The following ZNF83 variants were observed in gnomAD, a reference collection of about 807,000 sequenced individuals.
The protein encoded by ZNF83 is zinc finger protein 816B.
For missense variants in ZNF83, 552 were observed against 629.9 expected, an observed-to-expected ratio of 0.88 and a Z score of 1.32; for synonymous variants, 209 against 213.0, an observed-to-expected ratio of 0.98 and a Z score of 0.17.
intron 1 of ZNF83, among the ~76,000 whole-genome samples, chr19:52,681,720 A>T (rs2061924641): frequency 6.6e-6 from 1 of 152,258 alleles, no homozygotes; most frequent in African/African-American, 2.4e-5. Context: ...ATACAGCTTC[A>T]AAACTAAACT....
chr19:52,658,987 C>G (rs1446386884), intron 2 of ZNF83, among the ~76,000 whole-genome samples: 1 of 152,100 alleles, frequency 6.6e-6, no homozygotes, highest in East Asian at 1.9e-4. Flanking sequence ...AGGGCCGGCT[C>G]TTGGTGTGCA....
intron 2 of ZNF83, among the ~76,000 whole-genome samples, chr19:52,659,567 T>C (rs1394129438): frequency 6.8e-6 from 1 of 148,114 alleles, no homozygotes; most frequent in Non-Finnish European, 1.5e-5. Flanking sequence ...CCACAGCTAA[T>C]GCTCTCTTGT....
At chr19:52,613,308 A>ATGAT (rs755980653) in exon 3 of ZNF83, 175 of 1,613,998 alleles carry the variant, frequency 1.1e-4, no homozygotes, top group Non-Finnish European at 1.4e-4. Context: ...GAATTCTCCA[A>ATGAT]TGATATGCAA....
chr19:52,669,516 A>T (rs191895070), intron 1 of ZNF83, among the ~76,000 whole-genome samples: 1 of 152,342 alleles, frequency 6.6e-6, no homozygotes, highest in East Asian at 1.9e-4. Context: ...CTTTGACATG[A>T]TATTAGCATA....
At chr19:52,633,273 C>G (rs1355136274) in intron 2 of ZNF83, among the ~76,000 whole-genome samples, 2 of 152,064 alleles carry the variant, frequency 1.3e-5, no homozygotes, top group Admixed American at 6.5e-5. Context: ...ATAAAACGGC[C>G]CCACCCCATC....
chr19:52,649,330 A>C (rs191691223), intron 3 of ZNF83, among the ~76,000 whole-genome samples: 374 of 152,306 alleles, frequency 2.5e-3, no homozygotes, highest in Non-Finnish European at 4.1e-3. Flanking sequence ...GTTTTATAAA[A>C]TGATACAAAA....
chr19:52,669,199 T>A (rs1387836859), intron 1 of ZNF83, among the ~76,000 whole-genome samples: 1 of 152,176 alleles, frequency 6.6e-6, no homozygotes, highest in South Asian at 2.1e-4. Context: ...TGGCATTTCA[T>A]CAACCAGAGA....
At chr19:52,643,156 G>A (rs1340138199), upstream of ZNF83, among the ~76,000 whole-genome samples, 2 of 135,734 alleles carry the variant, frequency 1.5e-5, no homozygotes, top group Admixed American at 8.0e-5. Flanking sequence ...CCAGCTGGGC[G>A]ACAGAGTGAG....
chr19:52,659,631 T>C (rs1600239601), intron 2 of ZNF83, among the ~76,000 whole-genome samples: 1 of 97,262 alleles, frequency 1.0e-5, no homozygotes, highest in Non-Finnish European at 2.3e-5. Flanking sequence ...AAAAAAAGAG[T>C]ACCAGAAGTC....
At chr19:52,655,785 C>G in intron 2 of ZNF83, 1 of 614,784 alleles carries the variant, frequency 1.6e-6, no homozygotes, top group Non-Finnish European at 2.9e-6. Flanking sequence ...TGATCCAAGA[C>G]GGTGTTCTGA....
intron 3 of ZNF83, among the ~76,000 whole-genome samples, chr19:52,646,972 A>G (rs1468301158): frequency 6.6e-6 from 1 of 152,180 alleles, no homozygotes; most frequent in South Asian, 2.1e-4. Flanking sequence ...GCTTGCCTAT[A>G]TAAGCCCAGC....
chr19:52,680,488 G>A (rs1263966381), intron 1 of ZNF83, among the ~76,000 whole-genome samples: 1 of 151,862 alleles, frequency 6.6e-6, no homozygotes, highest in African/African-American at 2.4e-5. Context: ...CCCACAAAAT[G>A]AGAAAAGAGA....
chr19:52,639,415 A>ATTTTTTT (rs1160711365), upstream of ZNF83, among the ~76,000 whole-genome samples: 2,770 of 85,204 alleles, frequency 0.033, 79 homozygotes, highest in East Asian at 0.094. Flanking sequence ...AGTTTTTTCT[A>ATTTTTTT]TTTTTTTTTT....
At chr19:52,638,358 G>A (rs1228446121), upstream of ZNF83, 1 of 144,610 alleles carries the variant, frequency 6.9e-6, no homozygotes, top group Non-Finnish European at 1.5e-5. Context: ...CCGGGTTTGC[G>A]CGCATGTGCG....
intron 2 of ZNF83, among the ~76,000 whole-genome samples, chr19:52,626,331 T>C (rs1410372025): frequency 6.6e-6 from 1 of 152,230 alleles, no homozygotes; most frequent in Non-Finnish European, 1.5e-5. Context: ...CCAAAATTGC[T>C]GAGGCCTGGA....
intron 3 of ZNF83, chr19:52,653,137 T>C: frequency 3.4e-6 from 5 of 1,471,578 alleles, no homozygotes; most frequent in Non-Finnish European, 4.7e-6. Context: ...GCCACACTCA[T>C]GACAGTTGTA....
At chr19:52,639,101 GTTTC>G (rs948477160), upstream of ZNF83, among the ~76,000 whole-genome samples, 3 of 152,096 alleles carry the variant, frequency 2.0e-5, no homozygotes, top group Admixed American at 6.6e-5. Flanking sequence ...AGATCTATCA[GTTTC>G]TTTTTTTGTT....
At chr19:52,665,456 T>C (rs2061637537) in intron 1 of ZNF83, among the ~76,000 whole-genome samples, 1 of 152,206 alleles carries the variant, frequency 6.6e-6, no homozygotes, top group Non-Finnish European at 1.5e-5. Context: ...TAACAGTGCA[T>C]ATAAATTGCC....
intron 2 of ZNF83, among the ~76,000 whole-genome samples, chr19:52,658,232 A>G (rs374251456): frequency 3.3e-5 from 5 of 152,224 alleles, no homozygotes; most frequent in African/African-American, 1.2e-4. Flanking sequence ...GGACACCATC[A>G]AGGACACCAT....
Sources: gnomAD v4.1 joint callset for allele counts (sites outside exome capture counted in the v4.1 genomes callset) on GRCh38, gnomAD v4.1.1 for gene constraint, MANE v1.5 for transcripts, NCBI Gene and HGNC (gene_info 2026-07-23, HGNC 2026-07-21) for gene names.